CNBD1: variants seen among roughly 807,000 people sequenced by gnomAD.
CNBD1 encodes cyclic nucleotide binding domain containing 1.
A neutral mutation model predicts 54.4 loss-of-function variants in CNBD1; 71 were observed. The observed-to-expected ratio is 1.30, with a 90% CI of 1.08 to 1.59. The LOEUF (loss-of-function observed/expected upper bound fraction) is 1.59, where lower values mean the gene tolerates loss of function less well. CNBD1 is among the 40% of genes most tolerant of loss of function. The pLI is 0.00. For synonymous variants in CNBD1, 182 were observed against 170.7 expected, an observed-to-expected ratio of 1.07 and a Z score of -0.51; for missense variants, 659 against 518.0, an observed-to-expected ratio of 1.27 and a Z score of -2.64.
intron 8 of CNBD1, among the ~76,000 whole-genome samples, chr8:87,327,625 C>T (rs1021353313): frequency 6.6e-6 from 1 of 152,222 alleles, no homozygotes; most frequent in Non-Finnish European, 1.5e-5. Flanking sequence ...ACCCCTTGCG[C>T]TTCCCAGGTG....
intron 5 of CNBD1, among the ~76,000 whole-genome samples, chr8:87,224,745 T>G (rs1286002237): frequency 6.6e-6 from 1 of 151,154 alleles, no homozygotes; most frequent in African/African-American, 2.5e-5. Flanking sequence ...TGGTTCCATA[T>G]GAACTTTAAA....
chr8:86,975,329 C>G (rs886555105), intron 4 of CNBD1, among the ~76,000 whole-genome samples: 5 of 151,958 alleles, frequency 3.3e-5, no homozygotes, highest in African/African-American at 1.2e-4. Context: ...CAGAACCTTC[C>G]TGTCTAATGA....
intron 4 of CNBD1, among the ~76,000 whole-genome samples, chr8:86,951,197 A>G (rs1216484005): frequency 6.6e-5 from 10 of 152,180 alleles, no homozygotes; most frequent in African/African-American, 2.4e-4. Context: ...ATTCGTAGTT[A>G]TTTACAATGA....
intron 4 of CNBD1, among the ~76,000 whole-genome samples, chr8:87,137,895 G>T (rs186445516): frequency 1.2e-3 from 180 of 152,228 alleles, no homozygotes; most frequent in African/African-American, 4.1e-3. Flanking sequence ...GTGGAATGAA[G>T]AACTTTTCAG....
In CNBD1 at chr8:87,044,070, C is replaced by A. The variant is rs1215365097; in HGVS notation, c.431+104316C>A. On this transcript the variant is annotated intron_variant, in intron 4 of 10. Coordinates refer to ENST00000518476, the MANE Select transcript of CNBD1 (RefSeq NM_173538.3). ...TTATATGTTAATGCAAGATAGATGG[C>A]TTTAGAAAGGACTTTAGTTTTATTT... Among the ~76,000 whole-genome samples the A allele has an allele frequency of 2.0e-5, 3 of 152,138 alleles. No individual in the cohort carries two copies. In the South Asian group the frequency reaches 6.2e-4, roughly 32 times the overall value.
rs140826614 is a variant in CNBD1 at position 87,095,938 on chromosome 8, A to G, written c.432-110055A>G. ...CTCCCAAAATGTTGGGATTACAGGC[A>G]TGAGCCACAACGCCCGGCCCTGTTA... On this transcript the variant is annotated intron_variant, in intron 4 of 10. Coordinates refer to ENST00000518476, the MANE Select transcript of CNBD1 (RefSeq NM_173538.3). Among the ~76,000 whole-genome samples the G allele has an allele frequency of 2.6e-3, 395 of 152,292 alleles. 4 individuals are homozygous for G. Among genetic ancestry groups the G allele is most frequent in the Middle Eastern group, 3.4e-3 (1 of 294 alleles).
intron 2 of CNBD1, among the ~76,000 whole-genome samples, chr8:87,418,278 AT>A (rs1373117996): frequency 1.3e-5 from 2 of 152,030 alleles, no homozygotes; most frequent in African/African-American, 4.8e-5. Context: ...CACCAAGACA[AT>A]TTCAACAAAT....
chr8:87,402,518 A>G (rs1460827341), intron 2 of CNBD1, among the ~76,000 whole-genome samples: 10 of 152,198 alleles, frequency 6.6e-5, no homozygotes, highest in East Asian at 1.9e-4. Context: ...TCTTTTAACT[A>G]TAGCTGAGAT....
chr8:87,223,926 T>C (rs1347686977), intron 5 of CNBD1, among the ~76,000 whole-genome samples: 1 of 152,218 alleles, frequency 6.6e-6, no homozygotes, highest in Admixed American at 6.5e-5. Context: ...TTTTTAATGA[T>C]CGCCATTCTA....
At chr8:86,962,408 C>T (rs1175269688) in intron 4 of CNBD1, among the ~76,000 whole-genome samples, 1 of 152,164 alleles carries the variant, frequency 6.6e-6, no homozygotes, top group Non-Finnish European at 1.5e-5. Flanking sequence ...CTGACTTTAG[C>T]CATGCCAAAT....
intron 4 of CNBD1, among the ~76,000 whole-genome samples, chr8:86,955,226 A>C (rs922561038): frequency 5.3e-5 from 8 of 152,156 alleles, no homozygotes; most frequent in African/African-American, 1.7e-4. Context: ...TTAATCCAGT[A>C]TATCATTGAT....
chr8:87,276,213 T>C (rs1043971943), intron 6 of CNBD1, among the ~76,000 whole-genome samples: 2 of 151,884 alleles, frequency 1.3e-5, no homozygotes, highest in Non-Finnish European at 1.5e-5. Flanking sequence ...TTCCTATCTA[T>C]ATGTAGAAAT....
intron 10 of CNBD1, among the ~76,000 whole-genome samples, chr8:87,376,433 G>T (rs771813640): frequency 3.3e-5 from 5 of 151,858 alleles, no homozygotes; most frequent in Non-Finnish European, 5.9e-5. Context: ...CACATTGGAC[G>T]TTAGGATTTC....
chr8:87,113,569 T>A (rs919413823), intron 4 of CNBD1, among the ~76,000 whole-genome samples: 1 of 152,180 alleles, frequency 6.6e-6, no homozygotes, highest in Non-Finnish European at 1.5e-5. Flanking sequence ...ATAATATGTA[T>A]GTTTATCTAA....
intron 4 of CNBD1, among the ~76,000 whole-genome samples, chr8:87,184,719 T>G (rs1813437369): frequency 6.6e-6 from 1 of 152,026 alleles, no homozygotes; most frequent in South Asian, 2.1e-4. Flanking sequence ...CCTTTCAGCC[T>G]CCGGGTCTAC....
At chr8:87,380,665 ATTTG>A (rs144090589) in intron 10 of CNBD1, among the ~76,000 whole-genome samples, 1,663 of 152,082 alleles carry the variant, frequency 0.011, 39 homozygotes, top group African/African-American at 0.038. Context: ...ATGTCTTTTC[ATTTG>A]TTTGTGTTCT....
chr8:87,060,712 C>T (rs10108470), intron 4 of CNBD1, among the ~76,000 whole-genome samples: 146 of 151,792 alleles, frequency 9.6e-4, no homozygotes, highest in Admixed American at 1.8e-3. Context: ...ATTTAAAAAC[C>T]GATCATCACA....
intron 10 of CNBD1, among the ~76,000 whole-genome samples, chr8:87,377,128 TTTTA>T (rs1359859947): frequency 1.1e-4 from 16 of 149,604 alleles, no homozygotes; most frequent in Non-Finnish European, 1.6e-4. Context: ...TGTAATTTTA[TTTTA>T]TTTATTTTTT....
rs1460367569 is a variant in CNBD1, at chr8:87,281,580, A to G, written c.772-3098A>G. Among the ~76,000 whole-genome samples the G allele has an allele frequency of 4.2e-4, 15 of 35,946 alleles. 1 individual carries two copies. The highest frequency in any genetic ancestry group is 1.5e-3 in the African/African-American group (14 of 9,550). 23.6% of individuals were successfully genotyped at this position (35,946 alleles called of 152,430 possible). A position where few individuals can be genotyped will look rare whatever the true frequency, so the allele number is the denominator to read the frequency against. On this transcript the variant is annotated intron_variant, in intron 6 of 10. Transcript: ENST00000518476. ...TATATATATATATATATATATATATATATATATATATATATATATATAACT... is the reference window on the plus strand; with the variant it reads ...TATATATATATATATATATATATATGTATATATATATATATATATATAACT...
Sources: gnomAD v4.1 joint callset for allele counts (sites outside exome capture counted in the v4.1 genomes callset) on GRCh38, gnomAD v4.1.1 for gene constraint, MANE v1.5 for transcripts, NCBI Gene and HGNC (gene_info 2026-07-23, HGNC 2026-07-21) for gene names.